The following MTMR1 variants were observed in gnomAD, a reference collection of about 807,000 sequenced individuals.
The protein encoded by MTMR1 is phosphatidylinositol-3-phosphate phosphatase MTMR1.
Under a neutral mutation model 51.6 loss-of-function variants are expected in MTMR1, and 17 were observed. The ratio of observed to expected loss-of-function variants is 0.33; its 90% CI spans 0.23 to 0.49. MTMR1 has a LOEUF of 0.49. Among genes scored for constraint, MTMR1 ranks in the 20% least tolerant of loss-of-function variants. The pLI, the probability that MTMR1 is intolerant of heterozygous loss-of-function variation, is 0.99. For missense variants in MTMR1, 386 were observed against 526.9 expected (o/e 0.73, Z 2.62); for synonymous variants, 201 against 205.6 (o/e 0.98, Z 0.19).
rs182312353 is a variant in MTMR1, at chrX:150,730,686, G to A, written c.741+78G>A. 4.9e-6 allele frequency: 3 copies of A among 617,460 alleles called. No homozygotes were observed. The East Asian group carries it at 1.1e-4, about 23-fold the overall frequency. The allele number at this position is 617,460 out of a possible 1,213,427, so 50.9% of individuals were successfully genotyped here. ...CTTCTAAAAGGTTAGAAATGATGTG[G>A]TGGAGAAGAAACTTTTTCGAACAAG... On this transcript the variant is annotated intron_variant, in intron 8 of 15. Coordinates refer to ENST00000445323, the MANE Select transcript of MTMR1 (RefSeq NM_001306144.3).
intron 10 of MTMR1, among the ~76,000 whole-genome samples, chrX:150,734,635 A>G (rs1278897996): frequency 8.9e-6 from 1 of 112,832 alleles, no homozygotes; most frequent in African/African-American, 3.2e-5. Context: ...TGCAGGAGAG[A>G]TAGAGACAGG....
At chrX:150,727,367 A>G in intron 5 of MTMR1, 58 bp downstream of exon 5, 1 of 1,009,709 alleles carries the variant, frequency 9.9e-7, no homozygotes, top group Non-Finnish European at 1.4e-6. Flanking sequence ...GAACACTAAA[A>G]GAAGAAAGTA....
chrX:150,754,163 A>G (rs1036718918), intron 14 of MTMR1, among the ~76,000 whole-genome samples: 13 of 112,876 alleles, frequency 1.2e-4, no homozygotes, highest in Non-Finnish European at 1.9e-4. Context: ...TGTGCTTTCT[A>G]TTCTGTTCCA....
rs782651692 is a variant in MTMR1, at chrX:150,737,406, C to A, written c.1431C>A (p.Leu477=). The A allele has an allele frequency of 1.7e-6, 2 of 1,211,447 alleles. No individual in the cohort carries two copies. Among genetic ancestry groups the A allele is most frequent in the East Asian group, 5.9e-5 (2 of 33,843 alleles). Residue 477 remains leucine (L), a synonymous_variant, in exon 12 of 16, where the codon CTC becomes CTA. Coordinates refer to ENST00000445323, the MANE Select transcript of MTMR1 (RefSeq NM_001306144.3). ...GGACCATTAAAGGATTTGAAACTCT[C>A]GTAGAAAAGGAGTGGATAAGCTTTG... is the stretch of plus-strand genomic sequence containing the variant. The part of the protein sequence containing the change: ...YYRTIKGFET[L]VEKEWISFGH...
intron 14 of MTMR1, among the ~76,000 whole-genome samples, chrX:150,754,020 A>G (rs1415994018): frequency 8.9e-6 from 1 of 112,755 alleles, no homozygotes; most frequent in Non-Finnish European, 1.9e-5. Context: ...TAAGGATCCA[A>G]CTTCATTCTT....
At chrX:150,728,966 G>A (rs1821655826) in intron 6 of MTMR1, among the ~76,000 whole-genome samples, 1 of 109,562 alleles carries the variant, frequency 9.1e-6, no homozygotes, top group African/African-American at 3.3e-5. Flanking sequence ...CTCAGGCAGG[G>A]TTCCCCATAT....
intron 11 of MTMR1, 82 bp downstream of exon 11, chrX:150,736,862 C>G (rs1396028889): frequency 9.5e-6 from 9 of 945,370 alleles, no homozygotes; most frequent in Non-Finnish European, 1.1e-5. Flanking sequence ...CTCCAAGTGC[C>G]TCTTGGCTGT....
intron 4 of MTMR1, among the ~76,000 whole-genome samples, chrX:150,725,526 A>C (rs191846949): frequency 1.7e-3 from 187 of 111,655 alleles, no homozygotes; most frequent in Admixed American, 4.7e-3. Context: ...CTGTGATTGC[A>C]TATTAGCTAT....
chrX:150,727,448 C>T, intron 5 of MTMR1, 139 bp downstream of exon 5: 1 of 529,300 alleles, frequency 1.9e-6, no homozygotes, highest in Non-Finnish European at 3.0e-6. Flanking sequence ...CATTTGCAAA[C>T]AGATGTTTGT....
chrX:150,702,339 G>A (rs1177158791), intron 2 of MTMR1, among the ~76,000 whole-genome samples: 1 of 111,253 alleles, frequency 9.0e-6, no homozygotes, highest in Non-Finnish European at 1.9e-5. Context: ...CAGAGTGTCT[G>A]AGGGAGGGAA....
chrX:150,736,934 G>A (rs1164118514), intron 11 of MTMR1, among the ~76,000 whole-genome samples, 154 bp downstream of exon 11: 1 of 112,144 alleles, frequency 8.9e-6, no homozygotes. Flanking sequence ...TCTTTGTGGA[G>A]GGCTTTTGTG....
chrX:150,730,242 G>T, intron 7 of MTMR1, 32 bp downstream of exon 7: 1 of 980,875 alleles, frequency 1.0e-6, no homozygotes, highest in Non-Finnish European at 1.4e-6. Flanking sequence ...TTTTCTGCAT[G>T]CATTTGTGGG....
chrX:150,735,526 GT>G, intron 10 of MTMR1: 1 of 492,216 alleles, frequency 2.0e-6, no homozygotes, highest in Non-Finnish European at 3.6e-6. Context: ...TCCTCTTCTA[GT>G]TTTTGGATGA....
chrX:150,742,236 T>C (rs782637810), intron 12 of MTMR1, among the ~76,000 whole-genome samples: 7 of 112,234 alleles, frequency 6.2e-5, no homozygotes, highest in African/African-American at 2.3e-4. Context: ...GGCTATATGG[T>C]ACAGCCTATT....
At position 150,704,242 on chromosome X, in the gene MTMR1, C is replaced by T. The variant is rs182315794; in HGVS notation, c.252+4942C>T. Among the ~76,000 whole-genome samples, 506 of 110,935 alleles carry T rather than the reference C, an allele frequency of 4.6e-3. 2 individuals carry two copies. The highest frequency in any genetic ancestry group is 7.6e-3 in the Non-Finnish European group (402 of 52,930). On this transcript the variant is annotated intron_variant, in intron 2 of 15. Coordinates refer to ENST00000445323, the MANE Select transcript of MTMR1 (RefSeq NM_001306144.3). ...CCAGTGAGTCAGAAATGCCAACAGG[C>T]GCAGATAAGAAAAGCCTACTCTGTC... is the stretch of plus-strand genomic sequence containing the variant.
Position 150,718,608 on chromosome X carries a change from T to TGCCAGGC in MTMR1, c.277-17_277-16insGCCAGGC, listed in dbSNP as rs2041636664. 35 of 776,230 alleles carry TGCCAGGC rather than the reference T, an allele frequency of 4.5e-5. No individual in the cohort carries two copies. The highest frequency in any genetic ancestry group is 5.5e-5 in the Non-Finnish European group (33 of 596,396). 64.0% of individuals were successfully genotyped at this position (776,230 alleles called of 1,213,427 possible). On this transcript the variant is annotated splice_polypyrimidine_tract_variant and intron_variant, in intron 3 of 15. Transcript: ENST00000445323. ...CCTTTTTTTTTTTTTTTTTTTTTTT[T>TGCCAGGC]TTTTTTTTTTTGCCAGGCTCTAAGG... is the stretch of plus-strand genomic sequence containing the variant.
chrX:150,718,710 G>C lies in MTMR1; in HGVS notation c.352+10G>C. 6.1e-6 allele frequency: 7 copies of C among 1,140,159 alleles called. No homozygotes were observed. Among genetic ancestry groups the C allele is most frequent in the Non-Finnish European group, 8.2e-6 (7 of 856,033 alleles). 94.0% of individuals were successfully genotyped at this position (1,140,159 alleles called of 1,213,427 possible). A position where few individuals can be genotyped will look rare whatever the true frequency, so the allele number is the denominator to read the frequency against. On this transcript the variant is annotated intron_variant, in intron 4 of 15. Coordinates refer to ENST00000445323, the MANE Select transcript of MTMR1 (RefSeq NM_001306144.3). ...TCAATTAAAGCCATTGGTAAGTTTA[G>C]TGTGTACACTTCGCTTTTTGAGATC... is the stretch of plus-strand genomic sequence containing the variant.
At chrX:150,705,120 A>G (rs1006791826) in intron 2 of MTMR1, among the ~76,000 whole-genome samples, 36 of 112,577 alleles carry the variant, frequency 3.2e-4, no homozygotes, top group Non-Finnish European at 5.3e-4. Context: ...GTTCAACACC[A>G]TAATAGAGAG....
At chrX:150,746,001 G>T (rs782188791) in intron 13 of MTMR1, among the ~76,000 whole-genome samples, 1 of 112,054 alleles carries the variant, frequency 8.9e-6, no homozygotes, top group South Asian at 3.7e-4. Context: ...AAGTCCCCTG[G>T]GACTCTTATT....
Sources: allele counts gnomAD v4.1 joint callset (sites outside exome capture counted in the v4.1 genomes callset), GRCh38; gene constraint gnomAD v4.1.1; transcripts MANE v1.5; gene names NCBI Gene and HGNC (gene_info 2026-07-23, HGNC 2026-07-21).